Variants in CSMD3 observed in about 807,000 individuals in gnomAD.
The protein encoded by CSMD3 is CUB and Sushi multiple domains 3.
A neutral mutation model predicts 435.2 loss-of-function variants in CSMD3; 177 were observed. The ratio of observed to expected loss-of-function variants is 0.41; its 90% CI spans 0.36 to 0.46. The LOEUF (loss-of-function observed/expected upper bound fraction) is 0.46. CSMD3 is among the 20% of genes least tolerant of loss of function. The pLI is 0.34. For synonymous variants in CSMD3, 1,656 were observed against 1,520.5 expected (o/e 1.09, Z -2.07); for missense variants, 4,265 against 4,504.6 (o/e 0.95, Z 1.52).
chr8:112,919,890 C>T (rs1339476699), intron 10 of CSMD3, among the ~76,000 whole-genome samples: 3 of 151,886 alleles, frequency 2.0e-5, no homozygotes, highest in East Asian at 1.9e-4. Flanking sequence ...GTGCCTTTCT[C>T]GTATCATAGG....
Position 112,346,196 on chromosome 8 carries a change from T to A in CSMD3, c.6343A>T (p.Met2115Leu), listed in dbSNP as rs145027432. Reference sequence around the variant, plus strand: ...AGGATCACACCACTGAAGTCTGACATAGCACCACCACACTGAGCTGCAAAA... The same window carrying A: ...AGGATCACACCACTGAAGTCTGACAAAGCACCACCACACTGAGCTGCAAAA... ...PICLAQCGGA[M>L]SDFSGVILSP... The change falls in exon 41 of 71, where the codon ATG (methionine) becomes TTG (leucine). Residue 2115 changes from methionine (M) to leucine (L), a missense_variant. Physicochemically the swap from Met to Leu is conservative, Grantham distance 15. Around this residue, in one of 3 missense-constraint regions of CSMD3, gnomAD observed 3,255 missense variants for 3,380.2 expected, o/e 0.96. Coordinates refer to ENST00000297405, the MANE Select transcript of CSMD3 (RefSeq NM_198123.2). The A allele has an allele frequency of 6.2e-7, 1 of 1,610,048 alleles. No homozygotes were observed. The highest frequency in any genetic ancestry group is 1.1e-5 in the South Asian group (1 of 90,982).
intron 32 of CSMD3, among the ~76,000 whole-genome samples, chr8:112,462,653 A>T (rs960710325): frequency 1.3e-5 from 2 of 150,148 alleles, no homozygotes; most frequent in African/African-American, 4.9e-5. Context: ...AGATAATATA[A>T]TAACAACAGA....
At chr8:112,949,506 C>T (rs2130806297) in intron 8 of CSMD3, among the ~76,000 whole-genome samples, 1 of 152,104 alleles carries the variant, frequency 6.6e-6, no homozygotes, top group South Asian at 2.1e-4. Flanking sequence ...TCCCTCATGC[C>T]TTGACAGAAT....
intron 16 of CSMD3, 62 bp downstream of exon 16, chr8:112,682,380 T>G: frequency 8.4e-7 from 1 of 1,188,350 alleles, no homozygotes; most frequent in Non-Finnish European, 1.3e-6. Context: ...ATGTGTTTCT[T>G]GTTGTGGTTT....
chr8:113,322,572 C>G (rs2093956422), intron 1 of CSMD3, among the ~76,000 whole-genome samples: 1 of 152,052 alleles, frequency 6.6e-6, no homozygotes, highest in African/African-American at 2.4e-5. Flanking sequence ...ACTGCTCCAG[C>G]TTTTTTAAAG....
intron 4 of CSMD3, among the ~76,000 whole-genome samples, chr8:113,148,115 C>G (rs761749416): frequency 6.6e-6 from 1 of 151,750 alleles, no homozygotes; most frequent in Non-Finnish European, 1.5e-5. Flanking sequence ...ATGCCTGATG[C>G]ATATTCTCAT....
In CSMD3 at chr8:112,384,396, T is replaced by C. The variant is rs16883514; in HGVS notation, c.5935-733A>G. On this transcript the variant is annotated intron_variant, in intron 36 of 70. Transcript: ENST00000297405. ...TCTCTCCTGTCTATTACAGTTTATT[T>C]AGAGAAAGATGCATGTGTTACTTTA... is the stretch of plus-strand genomic sequence containing the variant. Among the ~76,000 whole-genome samples, 279 of 152,334 alleles carry C rather than the reference T, an allele frequency of 1.8e-3. 1 individual carries two copies. Among genetic ancestry groups the C allele is most frequent in the African/African-American group, 6.5e-3 (271 of 41,576 alleles).
intron 16 of CSMD3, among the ~76,000 whole-genome samples, chr8:112,675,093 G>A (rs1246662030): frequency 1.3e-5 from 2 of 152,080 alleles, no homozygotes; most frequent in African/African-American, 4.8e-5. Flanking sequence ...TCAAGAAGAG[G>A]AATATAGATA....
intron 9 of CSMD3, among the ~76,000 whole-genome samples, chr8:112,941,774 T>G (rs1049314779): frequency 6.6e-6 from 1 of 151,730 alleles, no homozygotes; most frequent in South Asian, 2.1e-4. Flanking sequence ...TCTTTATTTT[T>G]AATTTTAATA....
chr8:113,154,266 T>C (rs868829059), intron 4 of CSMD3, among the ~76,000 whole-genome samples: 3 of 152,028 alleles, frequency 2.0e-5, no homozygotes, highest in African/African-American at 7.2e-5. Context: ...ATTTATAGAA[T>C]GTCTGAATGT....
intron 5 of CSMD3, among the ~76,000 whole-genome samples, chr8:113,080,662 C>T (rs894947623): frequency 6.6e-6 from 1 of 152,110 alleles, no homozygotes; most frequent in Non-Finnish European, 1.5e-5. Context: ...ACAAAAAGCA[C>T]AGAGTCAGTG....
intron 6 of CSMD3, among the ~76,000 whole-genome samples, chr8:112,992,214 C>A (rs534309658): frequency 6.6e-6 from 1 of 151,258 alleles, no homozygotes; most frequent in Non-Finnish European, 1.5e-5. Flanking sequence ...TTTTTGCTTG[C>A]TCTCTTGCTT....
At chr8:113,326,511 T>C (rs980117021) in intron 1 of CSMD3, among the ~76,000 whole-genome samples, 1 of 152,146 alleles carries the variant, frequency 6.6e-6, no homozygotes, top group Admixed American at 6.6e-5. Context: ...CTAATATTTC[T>C]ATTGTCAAGG....
chr8:112,713,767 T>C lies in CSMD3; in HGVS notation c.1973-23717A>G, dbSNP rs139633199. On this transcript the variant is annotated intron_variant, in intron 13 of 70. Coordinates refer to ENST00000297405, the MANE Select transcript of CSMD3 (RefSeq NM_198123.2). ...AGCCAGAAGAGAGTGGGGACCAATA[T>C]TCAACATTCTTAAAAGAAAGGAATT... Among the ~76,000 whole-genome samples the C allele has an allele frequency of 4.6e-3, 695 of 152,226 alleles. 9 individuals carry two copies. Among genetic ancestry groups the C allele is most frequent in the African/African-American group, 0.016 (672 of 41,548 alleles).
chr8:112,649,153 G>A (rs943359094), intron 19 of CSMD3, among the ~76,000 whole-genome samples: 2 of 152,212 alleles, frequency 1.3e-5, no homozygotes, highest in Non-Finnish European at 2.9e-5. Context: ...AGATGGAGAA[G>A]TTCTTAAAAA....
In CSMD3 at chr8:113,173,765, T is replaced by G; in HGVS notation, c.666A>C (p.Ser222=). 1 of 1,613,810 alleles carries G rather than the reference T, an allele frequency of 6.2e-7. No homozygotes were observed. The highest frequency in any genetic ancestry group is 1.7e-5 in the Admixed American group (1 of 60,000). Reference sequence around the variant, plus strand: ...GAAAATCCCACGAAGCTGTATTAACTGAATTGGCTATGCAGGTGAGCTGAG... The same window carrying G: ...GAAAATCCCACGAAGCTGTATTAACGGAATTGGCTATGCAGGTGAGCTGAG... ...GHPQLTCIAN[S]VNTASWDFPV... The change falls in exon 4 of 71, where the codon TCA becomes TCC. Residue 222 remains serine, a synonymous_variant. Transcript: ENST00000297405.
intron 1 of CSMD3, among the ~76,000 whole-genome samples, chr8:113,324,142 G>A (rs1378344083): frequency 6.6e-6 from 1 of 152,138 alleles, no homozygotes; most frequent in East Asian, 1.9e-4. Context: ...CAAAAAATTT[G>A]CAGCCTGACA....
intron 1 of CSMD3, among the ~76,000 whole-genome samples, chr8:113,317,001 C>T (rs1486824689): frequency 6.6e-6 from 1 of 151,848 alleles, no homozygotes; most frequent in East Asian, 1.9e-4. Context: ...AAGTCTTAAG[C>T]CTGGGATATT....
At chr8:112,409,839 T>C (rs1586229810) in intron 32 of CSMD3, among the ~76,000 whole-genome samples, 1 of 151,952 alleles carries the variant, frequency 6.6e-6, no homozygotes, top group African/African-American at 2.4e-5. Flanking sequence ...ATCAGTTTGC[T>C]TTGTGTTTTT....
Sources: gnomAD v4.1 joint callset for allele counts (sites outside exome capture counted in the v4.1 genomes callset) on GRCh38, gnomAD v4.1.1 for gene constraint, gnomAD v4.1.1 regional missense constraint, MANE v1.5 for transcripts, NCBI Gene and HGNC (gene_info 2026-07-23, HGNC 2026-07-21) for gene names.